GTPBP10: variants seen among roughly 807,000 people sequenced by gnomAD.
The protein encoded by GTPBP10 is GTP binding protein 10, also known as GTP-binding protein 10.
Under a neutral mutation model 44.8 loss-of-function variants are expected in GTPBP10, and 38 were observed. That is an observed-to-expected ratio of 0.85 (90% CI 0.65 to 1.11). The LOEUF is 1.11. Among genes scored for constraint, GTPBP10 ranks in the 50% most tolerant of loss-of-function variants. The probability of loss-of-function intolerance (pLI) is 0.00; values close to 1 mark genes in which losing one functional copy is unlikely to be tolerated. For missense variants in GTPBP10, 462 were observed against 453.7 expected (o/e 1.02, Z -0.17); for synonymous variants, 152 against 150.6 (o/e 1.01, Z -0.07).
chr7:90,387,032 C>T lies in GTPBP10; in HGVS notation c.*1878C>T, dbSNP rs1311523185. 6.6e-6 allele frequency: 1 copy of T among 151,588 alleles called. No homozygotes were observed. Among genetic ancestry groups the T allele is most frequent in the Admixed American group, 6.6e-5 (1 of 15,194 alleles). 9.4% of individuals were successfully genotyped at this position (151,588 alleles called of 1,614,324 possible). A position where few individuals can be genotyped will look rare whatever the true frequency, so the allele number is the denominator to read the frequency against. On this transcript the variant is annotated 3_prime_UTR_variant, in exon 10 of 10. Transcript: ENST00000222511. ...TTAGTGTTTTTTTACATAATAGTAGCAAGTTAAAAAATTGTACTTCAGGCC... is the reference window on the plus strand; with the variant it reads ...TTAGTGTTTTTTTACATAATAGTAGTAAGTTAAAAAATTGTACTTCAGGCC...
intron 1 of GTPBP10, among the ~76,000 whole-genome samples, chr7:90,348,676 C>T (rs1562952014): frequency 6.6e-6 from 1 of 152,036 alleles, no homozygotes; most frequent in Non-Finnish European, 1.5e-5. Context: ...GAGGCAGACA[C>T]ACTATGTGTA....
Position 90,374,346 on chromosome 7 carries a change from T to G in GTPBP10, c.583T>G (p.Phe195Val). The G allele has an allele frequency of 6.3e-7, 1 of 1,586,224 alleles. No homozygotes were observed. Among genetic ancestry groups the G allele is most frequent in the South Asian group, 1.1e-5 (1 of 90,140 alleles). The stretch of plus-strand genomic sequence containing the variant: ...ACTTGGAAAGATAATGTACAGTGAT[T>G]TCAAACAGGTAGGTATTTTTAAAGT... ...PELGKIMYSDFKQISVADLPG... is the reference protein window; with the variant it reads ...PELGKIMYSDVKQISVADLPG... The change falls in exon 6 of 10, where the codon TTC becomes GTC. Residue 195 changes from phenylalanine to valine, a missense_variant. Transcript: ENST00000222511.
At chr7:90,356,679 G>T (rs42667) in intron 4 of GTPBP10, among the ~76,000 whole-genome samples, 136,049 of 152,182 alleles carry the variant, frequency 0.89, 61,015 homozygotes, top group East Asian at 1. Flanking sequence ...ATAGTTTTTT[G>T]CTTTTCACCA....
chr7:90,355,930 T>C (rs1214140345), intron 4 of GTPBP10, among the ~76,000 whole-genome samples: 2 of 152,098 alleles, frequency 1.3e-5, no homozygotes, highest in African/African-American at 2.4e-5. Context: ...AGAGAAAACT[T>C]CAATTTGCAT....
In GTPBP10 at chr7:90,346,784, G is replaced by T. The variant is rs1006313178; in HGVS notation, c.33+10G>T. The stretch of plus-strand genomic sequence containing the variant: ...CGTGTTGTTCAGAAAGGTCCGTGCG[G>T]GTCCCCTCAGCCTGGTCCCCTTAGC... On this transcript the variant is annotated intron_variant, in intron 1 of 9. Transcript: ENST00000222511. 12 of 1,614,024 alleles carry T rather than the reference G, an allele frequency of 7.4e-6. No individual in the cohort carries two copies. The highest frequency in any genetic ancestry group is 9.3e-6 in the Non-Finnish European group (11 of 1,179,942).
Position 90,389,680 on chromosome 7 carries a change from T to TA in GTPBP10, c.*4529dup, listed in dbSNP as rs1008786185. On this transcript the variant is annotated 3_prime_UTR_variant, in exon 10 of 10. Coordinates refer to ENST00000222511, the MANE Select transcript of GTPBP10 (RefSeq NM_033107.4). Reference sequence around the variant, plus strand: ...GTTTATAACTCAAGAATTAATGAGATAAACAGTGGACAAAAAGTGTTGGCA... The same window carrying TA: ...GTTTATAACTCAAGAATTAATGAGATAAAACAGTGGACAAAAAGTGTTGGCA... 2.6e-5 allele frequency: 4 copies of TA among 152,224 alleles called. No homozygotes were observed. Among genetic ancestry groups the TA allele is most frequent in the African/African-American group, 9.6e-5 (4 of 41,462 alleles). The allele number at this position is 152,224 out of a possible 1,614,324, so 9.4% of individuals were successfully genotyped here. A position where few individuals can be genotyped will look rare whatever the true frequency, so the allele number is the denominator to read the frequency against.
At chr7:90,368,514 C>G (rs1482870616) in intron 4 of GTPBP10, among the ~76,000 whole-genome samples, 2 of 152,006 alleles carry the variant, frequency 1.3e-5, no homozygotes, top group East Asian at 3.8e-4. Flanking sequence ...CTAATTTTGT[C>G]TTCTCGCTTT....
chr7:90,362,373 C>G (rs9800970), intron 4 of GTPBP10, among the ~76,000 whole-genome samples: 135,694 of 151,924 alleles, frequency 0.89, 60,798 homozygotes, highest in East Asian at 1. Context: ...TTTATTTCTG[C>G]CTTCATTTCG....
In GTPBP10 at chr7:90,378,158, T is replaced by C; in HGVS notation, c.724T>C (p.Ser242Pro). The C allele has an allele frequency of 6.2e-7, 1 of 1,613,212 alleles. No individual in the cohort carries two copies. The highest frequency in any genetic ancestry group is 8.5e-7 in the Non-Finnish European group (1 of 1,179,564). ...FVVDISGFQL[S>P]SHTQYRTAFE... ...GGTTGATATTTCTGGATTTCAGCTT[T>C]CTTCTCACACTCAATACAGGACAGC... The change falls in exon 8 of 10, where the codon TCT (serine) becomes CCT (proline). Residue 242 changes from serine to proline, a missense_variant. Physicochemically the swap from Ser to Pro is moderately conservative, Grantham distance 74. Transcript: ENST00000222511.
intron 4 of GTPBP10, among the ~76,000 whole-genome samples, chr7:90,360,249 C>T (rs1191907717): frequency 6.6e-6 from 1 of 152,154 alleles, no homozygotes; most frequent in Non-Finnish European, 1.5e-5. Flanking sequence ...CCTGGGTTTC[C>T]TTCTAGGGTT....
chr7:90,373,639 CAATGAGAAGGAACTAGAGGATAACTG>C (rs1039311283), intron 5 of GTPBP10, among the ~76,000 whole-genome samples: 3 of 151,910 alleles, frequency 2.0e-5, no homozygotes, highest in African/African-American at 4.8e-5. Context: ...TTAAGGATAA[CAATGAGAAGGAACTAGAGGATAACTG>C]AATGAGAAGG....
At position 90,383,047 on chromosome 7, in the gene GTPBP10, A is replaced by C. The variant is rs1244422396; in HGVS notation, c.869A>C (p.His290Pro). 6.3e-7 allele frequency: 1 copy of C among 1,588,986 alleles called. No homozygotes were observed. The change falls in exon 9 of 10, where the codon CAT becomes CCT. Residue 290 changes from histidine to proline, a missense_variant. Physicochemically the swap from His to Pro is moderately conservative, Grantham distance 77. Transcript: ENST00000222511. ...MDLPDAQDKFHELMSQLQNPK... is the reference protein window; with the variant it reads ...MDLPDAQDKFPELMSQLQNPK... The stretch of plus-strand genomic sequence containing the variant: ...TTGCCAGATGCCCAAGATAAGTTCC[A>C]TGAATTGATGAGCCAGCTCCAGAAT...
At chr7:90,348,565 A>C (rs1274332046) in intron 1 of GTPBP10, among the ~76,000 whole-genome samples, 1 of 144,124 alleles carries the variant, frequency 6.9e-6, no homozygotes, top group East Asian at 2.3e-4. Context: ...TATAGTCTTC[A>C]TGTTGAATAG....
intron 9 of GTPBP10, 96 bp downstream of exon 9, chr7:90,383,175 T>G: frequency 1.1e-6 from 1 of 874,718 alleles, no homozygotes; most frequent in Non-Finnish European, 1.6e-6. Flanking sequence ...GTTTCTGCTC[T>G]TAAAAGTCAA....
In GTPBP10 at chr7:90,360,886, C is replaced by A. The variant is rs534962689; in HGVS notation, c.464+5656C>A. Among the ~76,000 whole-genome samples, 448 of 152,164 alleles carry A rather than the reference C, an allele frequency of 2.9e-3. 3 individuals are homozygous for A. Among genetic ancestry groups the A allele is most frequent in the Middle Eastern group, 0.017 (5 of 294 alleles). On this transcript the variant is annotated intron_variant, in intron 4 of 9. Transcript: ENST00000222511. Reference sequence around the variant, plus strand: ...AAGTTGGATTCCTAGCTATTTTATTCTCTTTGAAGCAATTGTGAATGGGCG... The same window carrying A: ...AAGTTGGATTCCTAGCTATTTTATTATCTTTGAAGCAATTGTGAATGGGCG...
chr7:90,367,969 A>G (rs9691633), intron 4 of GTPBP10, among the ~76,000 whole-genome samples: 37,956 of 152,114 alleles, frequency 0.25, 5,097 homozygotes, highest in African/African-American at 0.35. Context: ...CTTGTAAGGC[A>G]GGCCTGGTGT....
chr7:90,385,237 ATGT>A lies in GTPBP10; in HGVS notation c.*85_*87del. 1.0e-6 allele frequency: 1 copy of A among 980,638 alleles called. No individual in the cohort carries two copies. The highest frequency in any genetic ancestry group is 1.5e-6 in the Non-Finnish European group (1 of 681,574). 60.7% of individuals were successfully genotyped at this position (980,638 alleles called of 1,614,324 possible). The stretch of plus-strand genomic sequence containing the variant: ...TTTCATCTGTGACAACCTGGAGGAC[ATGT>A]TAAGTAAAATAAGCCAGGCTTAGAA... On this transcript the variant is annotated 3_prime_UTR_variant, in exon 10 of 10. Coordinates refer to ENST00000222511, the MANE Select transcript of GTPBP10 (RefSeq NM_033107.4).
intron 8 of GTPBP10, among the ~76,000 whole-genome samples, chr7:90,382,261 C>A (rs1375501761): frequency 1.3e-5 from 2 of 152,082 alleles, no homozygotes; most frequent in Admixed American, 1.3e-4. Flanking sequence ...TTGTTTCATT[C>A]TTTTCTTTCC....
intron 4 of GTPBP10, among the ~76,000 whole-genome samples, chr7:90,368,247 CA>C (rs1178342524): frequency 6.6e-6 from 1 of 152,122 alleles, no homozygotes; most frequent in Non-Finnish European, 1.5e-5. Flanking sequence ...GTGAATCTGA[CA>C]ATTATGTGTC....
Sources: gnomAD v4.1 joint callset for allele counts (sites outside exome capture counted in the v4.1 genomes callset) on GRCh38, gnomAD v4.1.1 for gene constraint, MANE v1.5 for transcripts, NCBI Gene and HGNC (gene_info 2026-07-23, HGNC 2026-07-21) for gene names.